IFT43: variants seen among roughly 807,000 people sequenced by gnomAD.
IFT43 encodes the protein intraflagellar transport 43.
A neutral mutation model predicts 32.3 loss-of-function variants in IFT43; 33 were observed. The ratio of observed to expected loss-of-function variants is 1.02; its 90% CI spans 0.77 to 1.37. The LOEUF (loss-of-function observed/expected upper bound fraction) is 1.37. Among genes scored for constraint, IFT43 ranks in the 40% most tolerant of loss-of-function variants. The probability of loss-of-function intolerance (pLI) is 0.00; values close to 1 mark genes in which losing one functional copy is unlikely to be tolerated. For synonymous variants in IFT43, 93 were observed against 98.2 expected (o/e 0.95, Z 0.31); for missense variants, 274 against 265.9 (o/e 1.03, Z -0.21).
intron 3 of IFT43, 68 bp from the exon 4 acceptor site, chr14:76,058,574 C>G (rs181771083): frequency 2.5e-6 from 4 of 1,597,086 alleles, no homozygotes; most frequent in African/African-American, 1.4e-5. Flanking sequence ...AAACCTTCCT[C>G]AAGATACTAC....
At chr14:76,039,252 C>T (rs2140003846) in intron 3 of IFT43, among the ~76,000 whole-genome samples, 1 of 152,228 alleles carries the variant, frequency 6.6e-6, no homozygotes, top group Admixed American at 6.5e-5. Flanking sequence ...CCGGCCTCAG[C>T]CTCCTCAGTA....
intron 5 of IFT43, among the ~76,000 whole-genome samples, chr14:76,063,935 A>G (rs891701430): frequency 3.3e-5 from 5 of 152,204 alleles, no homozygotes; most frequent in African/African-American, 1.2e-4. Context: ...CCCCAGATGA[A>G]TATTTGACAA....
At chr14:76,010,084 C>A (rs1236404490) in intron 2 of IFT43, among the ~76,000 whole-genome samples, 1 of 152,166 alleles carries the variant, frequency 6.6e-6, no homozygotes, top group Non-Finnish European at 1.5e-5. Flanking sequence ...GTGAGCCACC[C>A]TGCCCGGCCT....
At chr14:76,037,513 C>G (rs922082350) in intron 3 of IFT43, among the ~76,000 whole-genome samples, 1 of 152,216 alleles carries the variant, frequency 6.6e-6, no homozygotes, top group African/African-American at 2.4e-5. Context: ...AGCTACTTGG[C>G]TGCTTGAAAT....
intron 2 of IFT43, among the ~76,000 whole-genome samples, chr14:75,999,255 ATATATATATATATATATGTATATATAT>A (rs1196690286): frequency 4.8e-4 from 5 of 10,512 alleles, no homozygotes; most frequent in East Asian, 1.9e-3. Flanking sequence ...ATATATATAT[ATATATATATATATATATGTATATATAT>A]TTTTTTTTTT....
intron 3 of IFT43, among the ~76,000 whole-genome samples, chr14:76,049,832 A>G: frequency 6.7e-6 from 1 of 149,592 alleles, no homozygotes; most frequent in East Asian, 1.9e-4. Flanking sequence ...AGTAACTTGA[A>G]GGGGGAAAGC....
At chr14:76,042,805 C>T (rs2036732223) in intron 3 of IFT43, among the ~76,000 whole-genome samples, 1 of 152,176 alleles carries the variant, frequency 6.6e-6, no homozygotes, top group Non-Finnish European at 1.5e-5. Context: ...ACAGGTGCAC[C>T]TGTAAAACTG....
chr14:76,017,592 TC>T (rs1212496769), intron 2 of IFT43, among the ~76,000 whole-genome samples: 1 of 152,148 alleles, frequency 6.6e-6, no homozygotes, highest in Non-Finnish European at 1.5e-5. Flanking sequence ...AAGAATTTCC[TC>T]CCATTCAATT....
intron 2 of IFT43, among the ~76,000 whole-genome samples, chr14:76,001,122 G>A (rs1286928009): frequency 6.6e-6 from 1 of 152,178 alleles, no homozygotes; most frequent in African/African-American, 2.4e-5. Context: ...CAGTAGAGAA[G>A]CAGTATGATT....
At chr14:76,001,085 C>T (rs2035876573) in intron 2 of IFT43, among the ~76,000 whole-genome samples, 1 of 152,164 alleles carries the variant, frequency 6.6e-6, no homozygotes. Flanking sequence ...ATAGACCCTT[C>T]ATGATCTCCA....
chr14:76,082,384 A>G lies in IFT43; in HGVS notation c.368+17A>G, dbSNP rs759453395. 2 of 1,489,754 alleles carry G rather than the reference A, an allele frequency of 1.3e-6. No homozygotes were observed. Among genetic ancestry groups the G allele is most frequent in the Non-Finnish European group, 1.9e-6 (2 of 1,066,280 alleles). The allele number at this position is 1,489,754 out of a possible 1,614,324, so 92.3% of individuals were successfully genotyped here. ...CCCTCCCAGGTAGGTTAAATCAGAT[A>G]TGATTGGGGAGGCAAAGAACACGTG... On this transcript the variant is annotated intron_variant, in intron 6 of 8. Coordinates refer to ENST00000314067, the MANE Select transcript of IFT43 (RefSeq NM_001102564.3).
intron 2 of IFT43, among the ~76,000 whole-genome samples, chr14:76,002,849 C>G (rs553601822): frequency 2.0e-5 from 3 of 152,208 alleles, no homozygotes; most frequent in Non-Finnish European, 2.9e-5. Context: ...TGAGCAGACT[C>G]TACTTGAAAG....
At chr14:75,999,277 ATATATTTTTT>A (rs1566699769) in intron 2 of IFT43, among the ~76,000 whole-genome samples, 8 of 18,710 alleles carry the variant, frequency 4.3e-4, no homozygotes, top group African/African-American at 1.5e-3. Context: ...ATATATGTAT[ATATATTTTTT>A]TTTTTTTTTT....
chr14:75,986,446 CA>C (rs60299035), intron 1 of IFT43: 3,416 of 148,720 alleles, frequency 0.023, 48 homozygotes, highest in African/African-American at 0.054. Context: ...TGCCTGGGTT[CA>C]AAAAAAAAAA....
intron 3 of IFT43, among the ~76,000 whole-genome samples, chr14:76,036,479 C>T (rs1307434617): frequency 7.2e-6 from 1 of 138,536 alleles, no homozygotes; most frequent in Admixed American, 7.4e-5. Flanking sequence ...GATCTCGGCT[C>T]ACTGAGTCTC....
At chr14:76,028,087 T>C (rs2139974322) in intron 3 of IFT43, among the ~76,000 whole-genome samples, 1 of 152,294 alleles carries the variant, frequency 6.6e-6, no homozygotes, top group South Asian at 2.1e-4. Context: ...GGTGATCATG[T>C]GTCCTTAGCT....
At chr14:76,046,148 A>C (rs1044418289) in intron 3 of IFT43, among the ~76,000 whole-genome samples, 3 of 152,222 alleles carry the variant, frequency 2.0e-5, no homozygotes, top group Non-Finnish European at 4.4e-5. Flanking sequence ...AATAAACAGA[A>C]GTGACTGAAA....
At chr14:76,063,979 G>C (rs2037186861) in intron 5 of IFT43, among the ~76,000 whole-genome samples, 1 of 152,210 alleles carries the variant, frequency 6.6e-6, no homozygotes, top group African/African-American at 2.4e-5. Flanking sequence ...GAGGGCAGGA[G>C]TCCTGTGAAG....
At chr14:76,032,058 T>G (rs185311602) in intron 3 of IFT43, among the ~76,000 whole-genome samples, 91 of 152,246 alleles carry the variant, frequency 6.0e-4, no homozygotes, top group Non-Finnish European at 9.6e-4. Context: ...TTCAACCCCT[T>G]CTACCCCCTC....
Sources: allele counts gnomAD v4.1 joint callset (sites outside exome capture counted in the v4.1 genomes callset), GRCh38; gene constraint gnomAD v4.1.1; transcripts MANE v1.5; gene names NCBI Gene and HGNC (gene_info 2026-07-23, HGNC 2026-07-21).